MECOM: variants seen among roughly 807,000 people sequenced by gnomAD.
MECOM encodes MDS1 and EVI1 complex locus, also known as histone-lysine N-methyltransferase MECOM.
Under a neutral mutation model 116.3 loss-of-function variants are expected in MECOM, and 13 were observed. That is an observed-to-expected ratio of 0.11 (90% CI 0.07 to 0.18). MECOM has a LOEUF of 0.18. MECOM is among the 10% of genes least tolerant of loss of function. The pLI, the probability that MECOM is intolerant of heterozygous loss-of-function variation, is 1.00. For synonymous variants in MECOM, 528 were observed against 535.2 expected (o/e 0.99, Z 0.19); for missense variants, 1,299 against 1,509.0 (o/e 0.86, Z 2.31).
At chr3:169,245,447 G>A (rs1755461368) in intron 2 of MECOM, among the ~76,000 whole-genome samples, 1 of 152,114 alleles carries the variant, frequency 6.6e-6, no homozygotes, top group African/African-American at 2.4e-5. Flanking sequence ...TTAAAAAGGT[G>A]GCTTAGTGCT....
At chr3:169,481,569 A>T (rs1751287398) in intron 1 of MECOM, among the ~76,000 whole-genome samples, 1 of 150,080 alleles carries the variant, frequency 6.7e-6, no homozygotes, top group South Asian at 2.1e-4. Flanking sequence ...ATAAATAAAT[A>T]CTTAAAAATA....
At chr3:169,223,813 C>T (rs911767081) in intron 2 of MECOM, among the ~76,000 whole-genome samples, 37 of 152,110 alleles carry the variant, frequency 2.4e-4, no homozygotes, top group Non-Finnish European at 3.8e-4. Context: ...TCAGAAACTC[C>T]ATCTCCTCTG....
intron 2 of MECOM, among the ~76,000 whole-genome samples, chr3:169,195,613 T>A (rs1217375145): frequency 6.6e-6 from 1 of 152,060 alleles, no homozygotes; most frequent in Admixed American, 6.6e-5. Context: ...ATTAATTGTA[T>A]GAATTCAGGT....
intron 1 of MECOM, among the ~76,000 whole-genome samples, chr3:169,402,708 G>T (rs926474547): frequency 1.3e-5 from 2 of 151,992 alleles, no homozygotes; most frequent in Admixed American, 1.3e-4. Context: ...ACTAGATCGT[G>T]CAGACTCTTA....
chr3:169,357,934 T>C (rs909888719), intron 2 of MECOM, among the ~76,000 whole-genome samples: 1 of 151,698 alleles, frequency 6.6e-6, no homozygotes, highest in African/African-American at 2.4e-5. Context: ...ACACACACTT[T>C]GAAGTTAATA....
intron 1 of MECOM, among the ~76,000 whole-genome samples, chr3:169,535,010 C>T (rs1759176315): frequency 6.6e-6 from 1 of 152,196 alleles, no homozygotes; most frequent in Non-Finnish European, 1.5e-5. Flanking sequence ...CAAGGAGGAA[C>T]AGGGACTTGG....
At chr3:169,153,469 G>A (rs1289693349) in intron 2 of MECOM, among the ~76,000 whole-genome samples, 3 of 151,746 alleles carry the variant, frequency 2.0e-5, no homozygotes, top group Admixed American at 6.6e-5. Flanking sequence ...TTTTAACTTC[G>A]GACTAAATTA....
chr3:169,151,425 T>G (rs1741153480), intron 2 of MECOM, among the ~76,000 whole-genome samples: 1 of 152,224 alleles, frequency 6.6e-6, no homozygotes. Flanking sequence ...TAAATTCCCT[T>G]AATTCTGCAG....
At chr3:169,526,044 A>AAT (rs397792077) in intron 1 of MECOM, among the ~76,000 whole-genome samples, 2 of 151,516 alleles carry the variant, frequency 1.3e-5, no homozygotes, top group African/African-American at 4.9e-5. Context: ...AAAAAAAAAA[A>AAT]GTAGCTGGAT....
intron 2 of MECOM, among the ~76,000 whole-genome samples, chr3:169,168,000 A>T (rs1326680206): frequency 1.3e-5 from 2 of 152,154 alleles, no homozygotes; most frequent in African/African-American, 4.8e-5. Flanking sequence ...GAGAGGGAAT[A>T]GCAGCTTGTC....
chr3:169,172,546 G>GA (rs1744594663), intron 2 of MECOM, among the ~76,000 whole-genome samples: 1 of 151,874 alleles, frequency 6.6e-6, no homozygotes, highest in East Asian at 1.9e-4. Flanking sequence ...CCATACATAG[G>GA]AAAAATGGAA....
chr3:169,511,010 G>A (rs906471210), intron 1 of MECOM, among the ~76,000 whole-genome samples: 1 of 151,986 alleles, frequency 6.6e-6, no homozygotes, highest in African/African-American at 2.4e-5. Context: ...GTTAAAATAG[G>A]GACCTGTTTT....
intron 2 of MECOM, among the ~76,000 whole-genome samples, chr3:169,236,652 A>G (rs918958879): frequency 6.6e-6 from 1 of 152,342 alleles, no homozygotes; most frequent in Admixed American, 6.5e-5. Flanking sequence ...AAGAGCCGTC[A>G]TCAAAAAAGG....
intron 2 of MECOM, among the ~76,000 whole-genome samples, chr3:169,338,906 A>G (rs1474632827): frequency 6.6e-6 from 1 of 152,102 alleles, no homozygotes. Flanking sequence ...CTTGGGGAAA[A>G]AAAGCTATGT....
chr3:169,346,415 T>C (rs1725359724), intron 2 of MECOM, among the ~76,000 whole-genome samples: 1 of 152,140 alleles, frequency 6.6e-6, no homozygotes, highest in African/African-American at 2.4e-5. Flanking sequence ...CATTCTAACT[T>C]ATTTCATATG....
At chr3:169,615,085 G>T (rs1769832144) in intron 1 of MECOM, 1 of 152,130 alleles carries the variant, frequency 6.6e-6, no homozygotes, top group Non-Finnish European at 1.5e-5. Flanking sequence ...CTATACAAGT[G>T]CAAATACTAA....
chr3:169,475,034 A>C (rs62294351), intron 1 of MECOM, among the ~76,000 whole-genome samples: 5 of 152,108 alleles, frequency 3.3e-5, no homozygotes, highest in African/African-American at 9.7e-5. Flanking sequence ...AAGCCTGAAC[A>C]ACTCCTACTG....
intron 2 of MECOM, among the ~76,000 whole-genome samples, chr3:169,168,012 C>T (rs548759209): frequency 7.0e-6 from 1 of 143,232 alleles, no homozygotes; most frequent in African/African-American, 2.5e-5. Context: ...CAGCTTGTCA[C>T]ATGTAAACAT....
intron 1 of MECOM, among the ~76,000 whole-genome samples, chr3:169,591,864 TC>T (rs1380584525): frequency 3.3e-5 from 5 of 151,806 alleles, no homozygotes; most frequent in Non-Finnish European, 7.4e-5. Flanking sequence ...ACTTTTTACA[TC>T]CTAGGAGATG....
Sources: gnomAD v4.1 joint callset for allele counts (sites outside exome capture counted in the v4.1 genomes callset) on GRCh38, gnomAD v4.1.1 for gene constraint, MANE v1.5 for transcripts, NCBI Gene and HGNC (gene_info 2026-07-23, HGNC 2026-07-21) for gene names.